Variants in TRAPPC9 observed in about 807,000 individuals in gnomAD.
TRAPPC9 encodes IKK2 binding protein.
A neutral mutation model predicts 124.0 loss-of-function variants in TRAPPC9; 83 were observed. That is an observed-to-expected ratio of 0.67 (90% CI 0.56 to 0.80). The LOEUF is 0.80. Ranked by LOEUF, TRAPPC9 falls within the 30% of genes least tolerant of loss-of-function variation. TRAPPC9 has a pLI of 0.00. For synonymous variants in TRAPPC9, 638 were observed against 617.5 expected (o/e 1.03, Z -0.49); for missense variants, 1,302 against 1,508.3 (o/e 0.86, Z 2.27).
chr8:140,137,608 C>T (rs945111511), intron 17 of TRAPPC9, among the ~76,000 whole-genome samples: 2 of 152,244 alleles, frequency 1.3e-5, no homozygotes, highest in African/African-American at 4.8e-5. Context: ...ACCAGCCCCA[C>T]CCCGCACCTG....
chr8:140,084,500 T>C (rs1844056449), intron 17 of TRAPPC9, among the ~76,000 whole-genome samples: 1 of 152,176 alleles, frequency 6.6e-6, no homozygotes, highest in Non-Finnish European at 1.5e-5. Flanking sequence ...GCTCACCACA[T>C]GACACTCAAG....
chr8:140,076,827 T>C (rs1843537745), intron 17 of TRAPPC9, among the ~76,000 whole-genome samples: 1 of 152,164 alleles, frequency 6.6e-6, no homozygotes, highest in Admixed American at 6.5e-5. Context: ...ACATCTGACA[T>C]AAACATAAAA....
chr8:139,929,029 A>G (rs1305551708), intron 19 of TRAPPC9, among the ~76,000 whole-genome samples: 1 of 152,142 alleles, frequency 6.6e-6, no homozygotes, highest in Admixed American at 6.5e-5. Flanking sequence ...GGTGCTGTGC[A>G]CGCCAATGGC....
At chr8:140,312,907 G>GTGTCAC (rs1181130776) in intron 9 of TRAPPC9, among the ~76,000 whole-genome samples, 1 of 152,082 alleles carries the variant, frequency 6.6e-6, no homozygotes, top group East Asian at 1.9e-4. Flanking sequence ...CTACAGGCAT[G>GTGTCAC]TGTCACCATG....
chr8:139,859,195 G>A (rs565253708), intron 21 of TRAPPC9, among the ~76,000 whole-genome samples: 6 of 151,932 alleles, frequency 3.9e-5, no homozygotes, highest in South Asian at 2.1e-4. Flanking sequence ...AGCTGCCTGC[G>A]TCTGATGCCA....
intron 19 of TRAPPC9, among the ~76,000 whole-genome samples, chr8:139,920,348 G>A (rs1382706927): frequency 6.6e-6 from 1 of 152,194 alleles, no homozygotes; most frequent in African/African-American, 2.4e-5. Flanking sequence ...TCTGTCTCAA[G>A]CAAAACAAAA....
At chr8:139,839,142 G>A (rs1826560907) in intron 21 of TRAPPC9, among the ~76,000 whole-genome samples, 1 of 152,238 alleles carries the variant, frequency 6.6e-6, no homozygotes, top group Non-Finnish European at 1.5e-5. Context: ...GCTGGGCCTA[G>A]CACTGTGCTT....
intron 19 of TRAPPC9, among the ~76,000 whole-genome samples, chr8:139,950,798 A>T (rs1184362087): frequency 6.6e-6 from 1 of 152,240 alleles, no homozygotes; most frequent in East Asian, 1.9e-4. Context: ...AAGAGCAGAA[A>T]AAACGGACTG....
chr8:140,391,220 T>A (rs1466472347), intron 7 of TRAPPC9, among the ~76,000 whole-genome samples: 2 of 152,236 alleles, frequency 1.3e-5, no homozygotes, highest in Non-Finnish European at 2.9e-5. Context: ...AGCAGTATCA[T>A]AAGCCAAAAT....
At chr8:140,048,008 G>A (rs1250541415) in intron 17 of TRAPPC9, among the ~76,000 whole-genome samples, 1 of 152,372 alleles carries the variant, frequency 6.6e-6, no homozygotes, top group Non-Finnish European at 1.5e-5. Flanking sequence ...AGCACTGGCT[G>A]GGCCAGCTGC....
intron 18 of TRAPPC9, among the ~76,000 whole-genome samples, chr8:140,019,222 A>G (rs1839669133): frequency 6.6e-6 from 1 of 151,538 alleles, no homozygotes; most frequent in South Asian, 2.1e-4. Context: ...TTGTTTTCAT[A>G]TTTCACATGT....
chr8:140,195,300 ACT>A (rs1311753635), intron 17 of TRAPPC9, among the ~76,000 whole-genome samples: 4 of 151,892 alleles, frequency 2.6e-5, no homozygotes, highest in South Asian at 4.2e-4. Context: ...ACCAAAACAC[ACT>A]CAACGATCCA....
At chr8:140,085,817 T>C (rs527953517) in intron 17 of TRAPPC9, among the ~76,000 whole-genome samples, 1 of 152,202 alleles carries the variant, frequency 6.6e-6, no homozygotes, top group Non-Finnish European at 1.5e-5. Context: ...CCACAGCCTA[T>C]CTCTGTCAAC....
At chr8:139,822,657 C>A (rs1170756279) in intron 21 of TRAPPC9, among the ~76,000 whole-genome samples, 1 of 152,166 alleles carries the variant, frequency 6.6e-6, no homozygotes, top group Non-Finnish European at 1.5e-5. Context: ...ATGGGAAGGA[C>A]AGCAGAGGGG....
chr8:139,803,147 G>A (rs191838740), intron 21 of TRAPPC9, among the ~76,000 whole-genome samples: 200 of 152,036 alleles, frequency 1.3e-3, no homozygotes, highest in Middle Eastern at 6.8e-3. Context: ...TCTGTGTGCC[G>A]TCGTGTGAGT....
At chr8:140,403,941 C>T (rs778633815) in intron 6 of TRAPPC9, among the ~76,000 whole-genome samples, 18 of 151,882 alleles carry the variant, frequency 1.2e-4, no homozygotes, top group Non-Finnish European at 2.6e-4. Flanking sequence ...TACTGGCGGG[C>T]GTGAGCCACT....
chr8:140,219,824 G>A (rs1269713462), intron 17 of TRAPPC9, among the ~76,000 whole-genome samples: 1 of 152,168 alleles, frequency 6.6e-6, no homozygotes, highest in Non-Finnish European at 1.5e-5. Flanking sequence ...ACCAGAGAGG[G>A]CCCCCATGAG....
intron 17 of TRAPPC9, among the ~76,000 whole-genome samples, chr8:140,150,432 C>T (rs964702677): frequency 2.0e-4 from 30 of 152,134 alleles, no homozygotes; most frequent in African/African-American, 6.3e-4. Context: ...CTGAGCAACA[C>T]GAGCAAAACA....
chr8:140,249,586 C>T lies in TRAPPC9; in HGVS notation c.2431+3191G>A, dbSNP rs114250382. On this transcript the variant is annotated intron_variant, in intron 16 of 22. Transcript: ENST00000438773. Reference sequence around the variant, plus strand: ...CCTATTAAAGTAAGTGCAGGCAAATCATCTTTCACTCTTTTTTTTTTTTTT... The same window carrying T: ...CCTATTAAAGTAAGTGCAGGCAAATTATCTTTCACTCTTTTTTTTTTTTTT... 6.3e-3 allele frequency among the ~76,000 whole-genome samples: 911 copies of T among 144,880 alleles called. 7 individuals carry two copies. Among genetic ancestry groups the T allele is most frequent in the African/African-American group, 0.022 (869 of 39,672 alleles).
Sources: allele counts gnomAD v4.1 joint callset (sites outside exome capture counted in the v4.1 genomes callset), GRCh38; gene constraint gnomAD v4.1.1; transcripts MANE v1.5; gene names NCBI Gene and HGNC (gene_info 2026-07-23, HGNC 2026-07-21).